MARCHF3: variants seen among roughly 807,000 people sequenced by gnomAD.
MARCHF3 encodes the protein E3 ubiquitin-protein ligase MARCHF3.
A neutral mutation model predicts 24.2 loss-of-function variants in MARCHF3; 13 were observed. The ratio of observed to expected loss-of-function variants is 0.54; its 90% CI spans 0.35 to 0.85. The LOEUF (loss-of-function observed/expected upper bound fraction) is 0.85, where lower values mean the gene tolerates loss of function less well. Ranked by LOEUF, MARCHF3 falls within the 40% of genes least tolerant of loss-of-function variation. MARCHF3 has a pLI of 0.01. For missense variants in MARCHF3, 276 were observed against 325.0 expected (o/e 0.85, Z 1.16); for synonymous variants, 144 against 137.3 (o/e 1.05, Z -0.34).
intron 3 of MARCHF3, among the ~76,000 whole-genome samples, chr5:126,909,932 A>G (rs544905602): frequency 2.8e-4 from 43 of 152,342 alleles, no homozygotes; most frequent in African/African-American, 1.0e-3. Context: ...ATATCCTATT[A>G]TTCTGGGTAA....
At chr5:126,914,275 G>A (rs891912358) in intron 3 of MARCHF3, among the ~76,000 whole-genome samples, 6 of 152,088 alleles carry the variant, frequency 3.9e-5, no homozygotes, top group South Asian at 2.1e-4. Context: ...GAGCCACCGC[G>A]CCCAGCCAAG....
chr5:126,985,051 C>T (rs773857499), intron 1 of MARCHF3, among the ~76,000 whole-genome samples: 4 of 152,008 alleles, frequency 2.6e-5, no homozygotes, highest in Non-Finnish European at 5.9e-5. Flanking sequence ...GGAAACTCTC[C>T]CTACTCTCCC....
chr5:126,927,418 G>A (rs760812619), intron 1 of MARCHF3, among the ~76,000 whole-genome samples: 3 of 152,000 alleles, frequency 2.0e-5, no homozygotes, highest in Non-Finnish European at 4.4e-5. Context: ...ACCTCTTTAG[G>A]GAACCTCTTT....
At position 126,985,425 on chromosome 5, in the gene MARCHF3, T is replaced by C. The variant is rs541577335; in HGVS notation, c.-57+44925A>G. Among the ~76,000 whole-genome samples, 51 of 151,826 alleles carry C rather than the reference T, an allele frequency of 3.4e-4. No homozygotes were observed. The South Asian group carries it at 0.01, about 31-fold the overall frequency. ...ATGGGTTTAATTTGATGTGTTTGTG[T>C]AAATACTAGATAAAAAAATACTTTT... is the stretch of plus-strand genomic sequence containing the variant. On this transcript the variant is annotated intron_variant, in intron 1 of 4. Transcript: ENST00000308660.
chr5:127,017,345 G>A (rs1282152252), intron 1 of MARCHF3, among the ~76,000 whole-genome samples: 3 of 152,070 alleles, frequency 2.0e-5, no homozygotes, highest in Admixed American at 6.5e-5. Context: ...TAAAAATGGT[G>A]TCCTTAAAAC....
chr5:126,971,631 A>G (rs939173201), intron 1 of MARCHF3, among the ~76,000 whole-genome samples: 1 of 152,056 alleles, frequency 6.6e-6, no homozygotes, highest in Non-Finnish European at 1.5e-5. Context: ...CAGCTCTTAC[A>G]CTGCTCCCAG....
intron 1 of MARCHF3, among the ~76,000 whole-genome samples, chr5:127,014,643 T>A (rs2126859484): frequency 6.6e-6 from 1 of 152,322 alleles, no homozygotes; most frequent in East Asian, 1.9e-4. Context: ...AATGAAATTC[T>A]GTAATTTTAC....
chr5:126,870,734 C>T lies in MARCHF3; in HGVS notation c.661G>A (p.Val221Met), dbSNP rs761627796. 3 of 1,614,086 alleles carry T rather than the reference C, an allele frequency of 1.9e-6. No individual in the cohort carries two copies. The highest frequency in any genetic ancestry group is 1.1e-5 in the South Asian group (1 of 91,084). Residue 221 changes from valine to methionine, a missense_variant, in exon 5 of 5, where the codon GTG becomes ATG. Physicochemically the swap from Val to Met is conservative, Grantham distance 21. Transcript: ENST00000308660. ...ACAGACTTTGGAATGAGGAGAATCA[C>T]CCTCTGATTGGTCCGACGCCACTCG... is the stretch of plus-strand genomic sequence containing the variant. ...YNEWRRTNQRVILLIPKSVNV... is the reference protein window; with the variant it reads ...YNEWRRTNQRMILLIPKSVNV...
At chr5:126,962,240 C>A (rs562262894) in intron 1 of MARCHF3, among the ~76,000 whole-genome samples, 10 of 151,990 alleles carry the variant, frequency 6.6e-5, no homozygotes, top group East Asian at 1.9e-4. Flanking sequence ...ATATCTCTCT[C>A]TCTATATATA....
intron 1 of MARCHF3, among the ~76,000 whole-genome samples, chr5:126,946,761 G>GGGGTGTGTGTGTGT (rs1186024076): frequency 7.4e-4 from 101 of 136,042 alleles, no homozygotes; most frequent in East Asian, 2.0e-3. Context: ...TGTAAGTAGG[G>GGGGTGTGTGTGTGT]GTGTGTGTGT....
intron 3 of MARCHF3, among the ~76,000 whole-genome samples, chr5:126,885,623 GAATA>G (rs1439518924): frequency 2.0e-5 from 3 of 152,010 alleles, no homozygotes; most frequent in African/African-American, 4.8e-5. Flanking sequence ...GAAAATGAAT[GAATA>G]AACATCTGAG....
At chr5:126,911,987 G>C (rs1218117573) in intron 3 of MARCHF3, among the ~76,000 whole-genome samples, 1 of 152,216 alleles carries the variant, frequency 6.6e-6, no homozygotes, top group Non-Finnish European at 1.5e-5. Context: ...GCTCAGAGAA[G>C]TTGAACCAAC....
Position 126,870,120 on chromosome 5 carries a change from G to A in MARCHF3, c.*513C>T, listed in dbSNP as rs1752915165. 2 of 152,502 alleles carry A rather than the reference G, an allele frequency of 1.3e-5. No homozygotes were observed. Among genetic ancestry groups the A allele is most frequent in the African/African-American group, 4.8e-5 (2 of 41,392 alleles). The allele number at this position is 152,502 out of a possible 1,614,324, so 9.4% of individuals were successfully genotyped here. A position where few individuals can be genotyped will look rare whatever the true frequency, so the allele number is the denominator to read the frequency against. On this transcript the variant is annotated 3_prime_UTR_variant, in exon 5 of 5. Coordinates refer to ENST00000308660, the MANE Select transcript of MARCHF3 (RefSeq NM_178450.5). ...CTCCTTGAGTAATGGACGCGAAAGA[G>A]ATGAAAAAGACCACTCAGGCTACCA...
intron 1 of MARCHF3, among the ~76,000 whole-genome samples, chr5:126,983,336 G>A (rs1447751422): frequency 3.3e-5 from 5 of 152,134 alleles, no homozygotes; most frequent in Middle Eastern, 3.2e-3. Flanking sequence ...TGGTGCCTCC[G>A]TCCCTATCAG....
At chr5:126,891,176 T>C (rs905231585) in intron 3 of MARCHF3, among the ~76,000 whole-genome samples, 2 of 151,030 alleles carry the variant, frequency 1.3e-5, no homozygotes, top group African/African-American at 4.9e-5. Flanking sequence ...TCATTGTAGA[T>C]TCTGGATATT....
At chr5:126,913,857 G>C (rs1213623803) in intron 3 of MARCHF3, among the ~76,000 whole-genome samples, 1 of 151,852 alleles carries the variant, frequency 6.6e-6, no homozygotes, top group Non-Finnish European at 1.5e-5. Context: ...GCTTCACTGA[G>C]TTAGCTGCTG....
chr5:127,028,733 TC>T (rs1371782388), intron 1 of MARCHF3, among the ~76,000 whole-genome samples: 1 of 151,760 alleles, frequency 6.6e-6, no homozygotes, highest in Non-Finnish European at 1.5e-5. Context: ...TCCTACAAGC[TC>T]CCCCTCCCCA....
At chr5:126,893,500 T>C (rs199918560) in intron 3 of MARCHF3, among the ~76,000 whole-genome samples, 4,391 of 150,748 alleles carry the variant, frequency 0.029, 102 homozygotes, top group South Asian at 0.11. Context: ...TCTTTGTTGT[T>C]GTTGGTTTCA....
intron 4 of MARCHF3, among the ~76,000 whole-genome samples, 187 bp from the exon 5 acceptor site, chr5:126,870,978 G>GC (rs1433249494): frequency 6.6e-6 from 1 of 152,220 alleles, no homozygotes; most frequent in African/African-American, 2.4e-5. Context: ...CAGCCAAAGA[G>GC]CACCCTATGT....
Sources: allele counts gnomAD v4.1 joint callset (sites outside exome capture counted in the v4.1 genomes callset), GRCh38; gene constraint gnomAD v4.1.1; transcripts MANE v1.5; gene names NCBI Gene and HGNC (gene_info 2026-07-23, HGNC 2026-07-21).